Variants in MCCC1 observed in about 807,000 individuals in gnomAD.
The protein encoded by MCCC1 is methylcrotonyl-CoA carboxylase subunit 1.
Under a neutral mutation model 83.8 loss-of-function variants are expected in MCCC1, and 64 were observed. That is an observed-to-expected ratio of 0.76 (90% CI 0.62 to 0.94). MCCC1 has a LOEUF of 0.94. Among genes scored for constraint, MCCC1 ranks in the 40% least tolerant of loss-of-function variants. The probability of loss-of-function intolerance (pLI) is 0.00; values close to 1 mark genes in which losing one functional copy is unlikely to be tolerated. For missense variants in MCCC1, 807 were observed against 904.7 expected (o/e 0.89, Z 1.39); for synonymous variants, 322 against 315.4 (o/e 1.02, Z -0.22).
intron 10 of MCCC1, among the ~76,000 whole-genome samples, chr3:183,044,019 C>G (rs1439834234): frequency 3.3e-5 from 5 of 152,092 alleles, no homozygotes; most frequent in Non-Finnish European, 7.3e-5. Flanking sequence ...GGATATAGAG[C>G]CCTAGAAGAA....
chr3:183,099,540 C>G (rs937652), upstream of MCCC1: 1,071,549 of 1,429,106 alleles, frequency 0.75, 413,985 homozygotes, highest in Non-Finnish European at 0.8. Flanking sequence ...TGACCCCCGC[C>G]GGCCACCGTC....
intron 15 of MCCC1, among the ~76,000 whole-genome samples, chr3:183,023,178 T>C (rs1389950042): frequency 6.6e-6 from 1 of 152,230 alleles, no homozygotes; most frequent in African/African-American, 2.4e-5. Context: ...ACATGGAACC[T>C]GTTTTAAAAT....
chr3:183,082,899 AG>A (rs748636353), intron 4 of MCCC1, among the ~76,000 whole-genome samples: 14 of 152,250 alleles, frequency 9.2e-5, no homozygotes, highest in Non-Finnish European at 1.6e-4. Context: ...CTGAGGTGGC[AG>A]GATCACTTGA....
Position 183,037,313 on chromosome 3 carries a change from C to T in MCCC1, c.1499G>A (p.Arg500Gln), listed in dbSNP as rs78726268. The T allele has an allele frequency of 1.4e-3, 2,183 of 1,614,028 alleles. 25 individuals are homozygous for T. In the African/African-American group the frequency reaches 0.026, roughly 19 times the overall value. The change falls in exon 13 of 19, where the codon CGG becomes CAG. Residue 500 changes from arginine (R) to glutamine (Q), a missense_variant. Arg to Gln is a conservative substitution (Grantham distance 43). Transcript: ENST00000265594. ...TAAAGACTCTTTGGCTGCAGCCTTC[C>T]GACTGAGCAACAACTGTTTGTGGTG... is the stretch of plus-strand genomic sequence containing the variant. ...PQHHKQLLLSRKAAAKESLCQ... is the reference protein window; with the variant it reads ...PQHHKQLLLSQKAAAKESLCQ...
At chr3:183,063,418 T>C (rs1019920947) in intron 7 of MCCC1, among the ~76,000 whole-genome samples, 19 of 152,238 alleles carry the variant, frequency 1.2e-4, no homozygotes, top group Non-Finnish European at 2.6e-4. Context: ...TAAATAGTTT[T>C]GATAAGATTT....
chr3:183,098,565 T>G (rs956897828), intron 1 of MCCC1: 2 of 152,254 alleles, frequency 1.3e-5, no homozygotes, highest in Non-Finnish European at 2.9e-5. Flanking sequence ...AACACTAAAC[T>G]GTCAATCTTT....
chr3:183,116,130 CTTG>C (rs1208667606), upstream of MCCC1: 3 of 155,428 alleles, frequency 1.9e-5, no homozygotes, highest in South Asian at 1.8e-4. Flanking sequence ...GCTAAAGGGG[CTTG>C]TTGTCATGGG....
chr3:183,037,547 A>G (rs1713726651), intron 12 of MCCC1, 113 bp from the exon 13 acceptor site: 1 of 933,966 alleles, frequency 1.1e-6, no homozygotes, highest in Non-Finnish European at 1.7e-6. Context: ...CTTAGGAAAA[A>G]TAAAAAACCT....
chr3:183,103,675 G>C (rs1265343647), upstream of MCCC1, among the ~76,000 whole-genome samples: 1 of 152,212 alleles, frequency 6.6e-6, no homozygotes, highest in Non-Finnish European at 1.5e-5. Flanking sequence ...AGGAGTCCAG[G>C]TGGCTTCACC....
chr3:183,064,574 A>C lies in MCCC1; in HGVS notation c.761+6425T>G, dbSNP rs906371511. On this transcript the variant is annotated intron_variant, in intron 7 of 18. Transcript: ENST00000265594. The surrounding 1 kb of genome is among the most constrained non-coding windows in gnomAD (Gnocchi z 4.5). ...CACGGGCCAGGCGCACAAGTGCAGCACCAGCGGGCTGCACGCCAGCTCCCC... is the reference window on the plus strand; with the variant it reads ...CACGGGCCAGGCGCACAAGTGCAGCCCCAGCGGGCTGCACGCCAGCTCCCC... Among the ~76,000 whole-genome samples, 1 of 152,130 alleles carries C rather than the reference A, an allele frequency of 6.6e-6. No individual in the cohort carries two copies. Among genetic ancestry groups the C allele is most frequent in the Non-Finnish European group, 1.5e-5 (1 of 68,012 alleles).
At chr3:183,081,906 GAGAA>G (rs1717527139) in intron 4 of MCCC1, among the ~76,000 whole-genome samples, 1 of 152,186 alleles carries the variant, frequency 6.6e-6, no homozygotes, top group African/African-American at 2.4e-5. Flanking sequence ...TGCCCAGAGA[GAGAA>G]AGAGTTAAGC....
chr3:183,021,634 A>C (rs1712169455), intron 16 of MCCC1, among the ~76,000 whole-genome samples: 1 of 152,210 alleles, frequency 6.6e-6, no homozygotes, highest in South Asian at 2.1e-4. Context: ...AATTTGAACC[A>C]AAGCAGCTTC....
At chr3:183,053,573 A>G (rs1178513198) in intron 8 of MCCC1, among the ~76,000 whole-genome samples, 11 of 151,818 alleles carry the variant, frequency 7.2e-5, no homozygotes, top group African/African-American at 2.7e-4. Context: ...TCGGGAGGCC[A>G]AGGTGGGCGG....
At chr3:183,082,051 A>G (rs1717547732) in intron 4 of MCCC1, among the ~76,000 whole-genome samples, 1 of 152,232 alleles carries the variant, frequency 6.6e-6, no homozygotes, top group African/African-American at 2.4e-5. Context: ...CTAAGCTGCT[A>G]ATAAGAGCTG....
At chr3:183,058,763 C>T (rs1345084204) in intron 7 of MCCC1, among the ~76,000 whole-genome samples, 1 of 152,126 alleles carries the variant, frequency 6.6e-6, no homozygotes, top group Non-Finnish European at 1.5e-5. Context: ...ATTTGGTGAA[C>T]ATGAAATTCT....
At chr3:183,017,132 T>C in intron 18 of MCCC1, 134 bp downstream of exon 18, 1 of 843,194 alleles carries the variant, frequency 1.2e-6, no homozygotes, top group Non-Finnish European at 2.0e-6. Context: ...TGGTTTTGTT[T>C]CCTACAATTA....
chr3:183,102,758 G>GTTTGTTTTTTTTT, upstream of MCCC1, among the ~76,000 whole-genome samples: 1 of 52,168 alleles, frequency 1.9e-5, no homozygotes, highest in Non-Finnish European at 3.6e-5. Context: ...AGCAGAGAAA[G>GTTTGTTTTTTTTT]TTTTTTTTTT....
intron 4 of MCCC1, among the ~76,000 whole-genome samples, chr3:183,085,083 C>A (rs1717793359): frequency 6.6e-6 from 1 of 152,084 alleles, no homozygotes; most frequent in Non-Finnish European, 1.5e-5. Context: ...ATGACTAGAA[C>A]AAGAAATCAA....
chr3:183,094,535 T>A (rs758470471), intron 2 of MCCC1, 24 bp downstream of exon 2: 1 of 1,613,482 alleles, frequency 6.2e-7, no homozygotes. Flanking sequence ...CAAAATCAAA[T>A]AGAACAACAA....
Sources: allele counts gnomAD v4.1 joint callset (sites outside exome capture counted in the v4.1 genomes callset), GRCh38; gene constraint gnomAD v4.1.1; non-coding constraint Gnocchi (gnomAD v3.1); transcripts MANE v1.5; gene names NCBI Gene and HGNC (gene_info 2026-07-23, HGNC 2026-07-21).